The following MIR2052HG variants were observed in gnomAD, a reference collection of about 807,000 sequenced individuals.
MIR2052HG encodes the protein MIR2052 host gene.
At chr8:74,747,618 T>C (rs769651018) in intron 4 of MIR2052HG, among the ~76,000 whole-genome samples, 1 of 152,164 alleles carries the variant, frequency 6.6e-6, no homozygotes, top group Non-Finnish European at 1.5e-5. Context: ...ACCTGACCAA[T>C]GATCAGGTAG....
intron 2 of MIR2052HG, among the ~76,000 whole-genome samples, chr8:74,662,287 T>C (rs574268205): frequency 5.3e-5 from 8 of 152,188 alleles, no homozygotes; most frequent in Non-Finnish European, 1.0e-4. Context: ...ATGTATTCAT[T>C]GAATATTTGC....
intron 2 of MIR2052HG, among the ~76,000 whole-genome samples, chr8:74,700,673 C>T (rs1008727249): frequency 2.6e-5 from 4 of 152,046 alleles, no homozygotes; most frequent in Non-Finnish European, 5.9e-5. Context: ...GATCACTAGC[C>T]TTGTGATGGA....
rs1808699610 is a variant in MIR2052HG at position 74,647,335 on chromosome 8, CTGTGAAATGGAGATGACGAAATGGCTCTT to C, written n.216+34396_216+34424del. Among the ~76,000 whole-genome samples the C allele has an allele frequency of 2.6e-5, 4 of 152,298 alleles. No homozygotes were observed. The South Asian group carries it at 8.3e-4, about 32-fold the overall frequency. On this transcript the variant is annotated intron_variant and non_coding_transcript_variant, in intron 2 of 6. Transcript: ENST00000523442. ...CTGGTTCAGTCTCCAGTTGCTTTAA[CTGTGAAATGGAGATGACGAAATGGCTCTT>C]CTTACAAGGTGGTTTGAGGCTCAAA... is the stretch of plus-strand genomic sequence containing the variant.
chr8:74,638,865 T>A (rs937720165), intron 2 of MIR2052HG, among the ~76,000 whole-genome samples: 2 of 152,214 alleles, frequency 1.3e-5, no homozygotes. Context: ...TCGAAAGCCA[T>A]GGAAATATAT....
intron 1 of MIR2052HG, among the ~76,000 whole-genome samples, chr8:74,602,390 C>A (rs949647381): frequency 2.6e-5 from 4 of 152,174 alleles, no homozygotes; most frequent in Non-Finnish European, 4.4e-5. Context: ...GATTGCCTGC[C>A]CCTTTCCCAG....
chr8:74,625,070 T>C (rs1033133625), intron 2 of MIR2052HG, among the ~76,000 whole-genome samples: 2 of 152,118 alleles, frequency 1.3e-5, no homozygotes, highest in Non-Finnish European at 2.9e-5. Context: ...GAATACCTTT[T>C]TTTTTTGAGA....
At chr8:74,673,885 T>TTG (rs1554575295) in intron 2 of MIR2052HG, among the ~76,000 whole-genome samples, 3 of 65,886 alleles carry the variant, frequency 4.6e-5, no homozygotes, top group African/African-American at 3.1e-4. Flanking sequence ...CAGTATTTTT[T>TTG]TGTATATATA....
intron 2 of MIR2052HG, among the ~76,000 whole-genome samples, chr8:74,622,058 A>C (rs1008993518): frequency 6.6e-6 from 1 of 152,202 alleles, no homozygotes; most frequent in Non-Finnish European, 1.5e-5. Context: ...AAACGGGATT[A>C]TATCAATCCA....
At chr8:74,672,269 T>G (rs968216076) in intron 2 of MIR2052HG, among the ~76,000 whole-genome samples, 2 of 152,116 alleles carry the variant, frequency 1.3e-5, no homozygotes, top group East Asian at 3.8e-4. Context: ...CTAGCATCCG[T>G]TGAATCTAAA....
chr8:74,693,472 C>G (rs1406238744), intron 2 of MIR2052HG, among the ~76,000 whole-genome samples: 1 of 151,922 alleles, frequency 6.6e-6, no homozygotes, highest in African/African-American at 2.4e-5. Flanking sequence ...AGCACAGAAG[C>G]CACAGCAGGT....
chr8:74,713,649 A>T (rs1238584960), intron 4 of MIR2052HG, among the ~76,000 whole-genome samples: 3 of 152,148 alleles, frequency 2.0e-5, no homozygotes, highest in Non-Finnish European at 2.9e-5. Context: ...TATATGATTT[A>T]AAAAAATGGA....
At chr8:74,697,852 A>G (rs557394195) in intron 2 of MIR2052HG, among the ~76,000 whole-genome samples, 1 of 152,336 alleles carries the variant, frequency 6.6e-6, no homozygotes, top group Non-Finnish European at 1.5e-5. Flanking sequence ...GAAAGAAATC[A>G]TAGACAACAC....
intron 2 of MIR2052HG, among the ~76,000 whole-genome samples, chr8:74,629,325 AG>A (rs1808477771): frequency 6.6e-6 from 1 of 152,058 alleles, no homozygotes; most frequent in African/African-American, 2.4e-5. Flanking sequence ...GTTAAGAGCC[AG>A]GAAGTATTTT....
chr8:74,744,923 C>G (rs1489452756), intron 4 of MIR2052HG, among the ~76,000 whole-genome samples: 2 of 152,114 alleles, frequency 1.3e-5, no homozygotes, highest in African/African-American at 4.8e-5. Context: ...TTTGAAAATA[C>G]AAGATGTGGA....
At chr8:74,657,464 A>C (rs997229468) in intron 2 of MIR2052HG, among the ~76,000 whole-genome samples, 1 of 152,136 alleles carries the variant, frequency 6.6e-6, no homozygotes, top group African/African-American at 2.4e-5. Flanking sequence ...GACTGGCAGC[A>C]TCAGCACTGC....
At chr8:74,752,995 C>T (rs7002289) in intron 5 of MIR2052HG, among the ~76,000 whole-genome samples, 15,757 of 152,186 alleles carry the variant, frequency 0.1, 1,840 homozygotes, top group African/African-American at 0.29. Flanking sequence ...TGTTGCACTG[C>T]AAAGCAAGTT....
rs1432074751 is a variant in MIR2052HG at position 74,723,503 on chromosome 8, C to T, written n.371+19821C>T. Among the ~76,000 whole-genome samples the T allele has an allele frequency of 1.3e-5, 2 of 151,910 alleles. 1 individual carries two copies. The highest frequency in any genetic ancestry group is 2.9e-5 in the Non-Finnish European group (2 of 68,006). On this transcript the variant is annotated intron_variant and non_coding_transcript_variant, in intron 4 of 6. Transcript: ENST00000523442. ...ATTTCTACTCCTTCCTAGCTCTGTG[C>T]CTTAGGGAATAGGCTTCATCCTTAT...
At chr8:74,750,756 G>T (rs1181850110) in intron 4 of MIR2052HG, among the ~76,000 whole-genome samples, 2 of 152,126 alleles carry the variant, frequency 1.3e-5, no homozygotes, top group African/African-American at 4.8e-5. Context: ...AGTTTTAGCA[G>T]GTTAAGTAGA....
Position 74,649,193 on chromosome 8 carries a change from A to G in MIR2052HG, n.216+36253A>G, listed in dbSNP as rs1384053725. Among the ~76,000 whole-genome samples the G allele has an allele frequency of 2.0e-5, 3 of 152,216 alleles. No individual in the cohort carries two copies. In the East Asian group the frequency reaches 5.8e-4, roughly 29 times the overall value. On this transcript the variant is annotated intron_variant and non_coding_transcript_variant, in intron 2 of 6. Transcript: ENST00000523442. The stretch of plus-strand genomic sequence containing the variant: ...TACGGACTTTTAAGAAAGAGAAGAA[A>G]TAAATAAATAAATCTCATGAGAGAC...
Sources: gnomAD v4.1 joint callset for allele counts (sites outside exome capture counted in the v4.1 genomes callset) on GRCh38, gnomAD v4.1.1 for gene constraint, MANE v1.5 for transcripts, NCBI Gene and HGNC (gene_info 2026-07-23, HGNC 2026-07-21) for gene names.